EXOC4: variants seen among roughly 807,000 people sequenced by gnomAD.
EXOC4 encodes the protein SEC8-like 1.
A neutral mutation model predicts 107.2 loss-of-function variants in EXOC4; 71 were observed. That is an observed-to-expected ratio of 0.66 (90% CI 0.55 to 0.81). EXOC4 has a LOEUF of 0.81. Among genes scored for constraint, EXOC4 ranks in the 30% least tolerant of loss-of-function variants. EXOC4 has a pLI of 0.00. For synonymous variants in EXOC4, 456 were observed against 441.2 expected, an observed-to-expected ratio of 1.03 and a Z score of -0.42; for missense variants, 1,108 against 1,189.6, an observed-to-expected ratio of 0.93 and a Z score of 1.01.
intron 10 of EXOC4, among the ~76,000 whole-genome samples, chr7:133,744,265 C>T (rs1296672034): frequency 2.0e-5 from 3 of 152,018 alleles, no homozygotes; most frequent in African/African-American, 7.2e-5. Context: ...ATCTTAGGTA[C>T]AGGAAATATA....
chr7:133,971,361 T>TAGAGAGAGAG (rs1186165891), intron 14 of EXOC4, among the ~76,000 whole-genome samples: 18 of 75,076 alleles, frequency 2.4e-4, no homozygotes, highest in African/African-American at 1.0e-3. Context: ...TATATATATA[T>TAGAGAGAGAG]AGAGAGAGAG....
At chr7:133,364,274 T>G (rs974875) in intron 6 of EXOC4, among the ~76,000 whole-genome samples, 150,454 of 151,998 alleles carry the variant, frequency 0.99, 74,475 homozygotes, top group East Asian at 1. Flanking sequence ...GGGACTACAG[T>G]TATATGACAC....
chr7:133,521,684 G>A (rs4731960), intron 9 of EXOC4, among the ~76,000 whole-genome samples: 128,890 of 151,906 alleles, frequency 0.85, 55,039 homozygotes, highest in East Asian at 0.95. Flanking sequence ...CAGTGGTGCA[G>A]TCTTGGCTCA....
the EXOC4 span, among the ~76,000 whole-genome samples, chr7:134,089,869 A>G: frequency 6.6e-6 from 1 of 152,174 alleles, no homozygotes; most frequent in African/African-American, 2.4e-5. Flanking sequence ...GGCCTTATCT[A>G]GAATCTAATG....
chr7:133,286,126 C>G (rs1267649360), intron 2 of EXOC4, among the ~76,000 whole-genome samples: 1 of 152,068 alleles, frequency 6.6e-6, no homozygotes. Context: ...TTCGCTTTTC[C>G]TTCCTTGGAA....
intron 5 of EXOC4, among the ~76,000 whole-genome samples, chr7:133,331,420 C>CTTATATTCTG (rs941417943): frequency 6.7e-6 from 1 of 150,180 alleles, no homozygotes; most frequent in African/African-American, 2.4e-5. Flanking sequence ...TGAAAAACTA[C>CTTATATTCTG]TTATATTCTG....
intron 5 of EXOC4, among the ~76,000 whole-genome samples, chr7:133,334,843 GT>G (rs1795475355): frequency 6.6e-6 from 1 of 152,034 alleles, no homozygotes; most frequent in African/African-American, 2.4e-5. Flanking sequence ...CTGTTCCTGC[GT>G]TAGTTTGCTA....
intron 9 of EXOC4, chr7:133,483,940 A>AC: frequency 8.2e-7 from 1 of 1,225,450 alleles, no homozygotes. Flanking sequence ...ACCGTAAGAG[A>AC]CTAAGGGAAG....
intron 7 of EXOC4, among the ~76,000 whole-genome samples, chr7:133,375,770 C>T (rs146118865): frequency 0.012 from 1,848 of 152,142 alleles, 19 homozygotes; most frequent in Middle Eastern, 0.024. Context: ...ATAAATGTAT[C>T]ACTTTGCTTG....
chr7:133,846,002 C>G (rs1313655239), intron 11 of EXOC4, among the ~76,000 whole-genome samples: 2 of 152,004 alleles, frequency 1.3e-5, no homozygotes, highest in East Asian at 3.9e-4. Flanking sequence ...TAATAACTGC[C>G]TTTTAATCCT....
intron 14 of EXOC4, among the ~76,000 whole-genome samples, chr7:133,995,624 G>A (rs1341011797): frequency 6.6e-6 from 1 of 152,148 alleles, no homozygotes; most frequent in Non-Finnish European, 1.5e-5. Context: ...TAAACATCTA[G>A]GATGATACCA....
At chr7:134,060,762 C>T (rs546095278) in intron 17 of EXOC4, among the ~76,000 whole-genome samples, 20 of 152,278 alleles carry the variant, frequency 1.3e-4, no homozygotes, top group African/African-American at 4.1e-4. Context: ...ATCTTTGCTC[C>T]TGGGTACCAT....
At chr7:133,728,839 A>T (rs9641955) in intron 10 of EXOC4, among the ~76,000 whole-genome samples, 78,735 of 151,914 alleles carry the variant, frequency 0.52, 21,416 homozygotes, top group East Asian at 0.68. Context: ...CCACCCTAAC[A>T]TACTGTTAGT....
chr7:133,843,482 G>A (rs1382196578), intron 11 of EXOC4, among the ~76,000 whole-genome samples: 1 of 152,114 alleles, frequency 6.6e-6, no homozygotes, highest in African/African-American at 2.4e-5. Context: ...TGTTGTTGGT[G>A]TATAGGAATA....
intron 10 of EXOC4, among the ~76,000 whole-genome samples, chr7:133,798,588 A>G (rs1796865415): frequency 6.6e-6 from 1 of 152,190 alleles, no homozygotes; most frequent in African/African-American, 2.4e-5. Flanking sequence ...TGCAAGGCAG[A>G]TATTATTTCC....
chr7:133,791,683 T>C (rs1197000750), intron 10 of EXOC4, among the ~76,000 whole-genome samples: 1 of 152,200 alleles, frequency 6.6e-6, no homozygotes, highest in Non-Finnish European at 1.5e-5. Flanking sequence ...TAAACTAGGT[T>C]CCCGAAAACT....
chr7:134,033,994 T>C (rs1481801879), intron 17 of EXOC4, among the ~76,000 whole-genome samples: 1 of 152,228 alleles, frequency 6.6e-6, no homozygotes, highest in African/African-American at 2.4e-5. Context: ...CTTTTCATGC[T>C]CTTCTTTCTA....
intron 10 of EXOC4, among the ~76,000 whole-genome samples, chr7:133,654,772 A>G (rs532137415): frequency 6.6e-6 from 1 of 152,244 alleles, no homozygotes; most frequent in East Asian, 1.9e-4. Flanking sequence ...CAAACACTAG[A>G]TGTTATAACC....
At chr7:133,349,358 T>C (rs892972412) in intron 5 of EXOC4, among the ~76,000 whole-genome samples, 3 of 152,178 alleles carry the variant, frequency 2.0e-5, no homozygotes, top group Non-Finnish European at 4.4e-5. Flanking sequence ...CATTCTACTT[T>C]CTGTTTCTAT....
Sources: allele counts gnomAD v4.1 joint callset (sites outside exome capture counted in the v4.1 genomes callset), GRCh38; gene constraint gnomAD v4.1.1; transcripts MANE v1.5; gene names NCBI Gene and HGNC (gene_info 2026-07-23, HGNC 2026-07-21).